IL1RL1: variants seen among roughly 807,000 people sequenced by gnomAD.
IL1RL1 encodes the protein interleukin 1 receptor like 1.
In IL1RL1, 32 loss-of-function variants were observed where a neutral mutation model predicts 50.9. The ratio of observed to expected loss-of-function variants is 0.63; its 90% CI spans 0.47 to 0.84. The LOEUF is 0.84. Among genes scored for constraint, IL1RL1 ranks in the 40% least tolerant of loss-of-function variants. The pLI, the probability that IL1RL1 is intolerant of heterozygous loss-of-function variation, is 0.00. For synonymous variants in IL1RL1, 275 were observed against 236.0 expected, an observed-to-expected ratio of 1.17 and a Z score of -1.51; for missense variants, 773 against 662.9, an observed-to-expected ratio of 1.17 and a Z score of -1.82.
intron 2 of IL1RL1, 92 bp from the exon 3 acceptor site, chr2:102,338,745 A>C: frequency 2.0e-6 from 2 of 987,452 alleles, no homozygotes; most frequent in Non-Finnish European, 3.1e-6. Flanking sequence ...CCGGCTTCTA[A>C]ATTTAATCCT....
chr2:102,340,637 T>G, intron 4 of IL1RL1, 29 bp from the exon 5 acceptor site: 1 of 1,577,050 alleles, frequency 6.3e-7, no homozygotes, highest in Non-Finnish European at 8.6e-7. Flanking sequence ...GAAGAATTAC[T>G]GAGAAGGAAA....
At chr2:102,342,176 T>G in intron 5 of IL1RL1, 47 bp from the exon 6 acceptor site, 2 of 1,273,676 alleles carry the variant, frequency 1.6e-6, no homozygotes, top group South Asian at 2.4e-5. Flanking sequence ...TTATATTGAC[T>G]AGCATTCAAT....
intron 1 of IL1RL1, among the ~76,000 whole-genome samples, chr2:102,328,704 C>T (rs1677086774): frequency 6.6e-6 from 1 of 152,146 alleles, no homozygotes; most frequent in Non-Finnish European, 1.5e-5. Flanking sequence ...CAATAACAGA[C>T]AAACAGCCAA....
rs1227316203 is a variant in IL1RL1 at position 102,343,483 on chromosome 2, G to T, written c.970+68G>T. On this transcript the variant is annotated intron_variant, in intron 8 of 10. Coordinates refer to ENST00000233954, the MANE Select transcript of IL1RL1 (RefSeq NM_016232.5). ...AGCAAGTGTAAGCAGAATGGAGTGT[G>T]GTTCCAAGAGATCCATCAAGACAAT... The T allele has an allele frequency of 1.7e-5, 28 of 1,612,764 alleles. 1 individual carries two copies. The highest frequency in any genetic ancestry group is 2.3e-5 in the Non-Finnish European group (27 of 1,179,464).
Position 102,338,300 on chromosome 2 carries a change from C to A in IL1RL1, c.36C>A (p.Leu12=). 2 of 1,604,000 alleles carry A rather than the reference C, an allele frequency of 1.2e-6. No individual in the cohort carries two copies. Among genetic ancestry groups the A allele is most frequent in the South Asian group, 2.2e-5 (2 of 90,182 alleles). The part of the protein sequence containing the change: ...GFWILAILTI[L]MYSTAAKFSK... ...GGATCTTAGCAATTCTCACAATTCTCATGTATTCCACAGCAGCAAAGTTTA... is the reference window on the plus strand; with the variant it reads ...GGATCTTAGCAATTCTCACAATTCTAATGTATTCCACAGCAGCAAAGTTTA... The change falls in exon 2 of 11, where the codon CTC becomes CTA. Residue 12 remains leucine, a synonymous_variant. Coordinates refer to ENST00000233954, the MANE Select transcript of IL1RL1 (RefSeq NM_016232.5).
intron 1 of IL1RL1, chr2:102,337,433 T>C (rs1677367454): frequency 6.6e-6 from 1 of 152,340 alleles, no homozygotes; most frequent in Non-Finnish European, 1.5e-5. Flanking sequence ...CTATGTTGGT[T>C]CTATTCTTCC....
At chr2:102,317,198 C>CA in intron 1 of IL1RL1, among the ~76,000 whole-genome samples, 1 of 152,018 alleles carries the variant, frequency 6.6e-6, no homozygotes, top group East Asian at 1.9e-4. Context: ...AGTAAAAATA[C>CA]AAAAAATTAA....
intron 1 of IL1RL1, among the ~76,000 whole-genome samples, chr2:102,330,315 G>A (rs1332922006): frequency 1.3e-5 from 2 of 149,726 alleles, no homozygotes; most frequent in Non-Finnish European, 3.0e-5. Context: ...ACAGGAAGGG[G>A]AACATCACAC....
rs187236780 is a variant in IL1RL1 at position 102,347,084 on chromosome 2, C to T, written c.971-861C>T. On this transcript the variant is annotated intron_variant, in intron 8 of 10. Coordinates refer to ENST00000233954, the MANE Select transcript of IL1RL1 (RefSeq NM_016232.5). ...TGACTTTTGAATTCTTTATCAAAGA[C>T]GCTTTAGCCACTTAGGTGACTCTTG... Among the ~76,000 whole-genome samples the T allele has an allele frequency of 1.6e-4, 25 of 152,278 alleles. No individual in the cohort carries two copies. The East Asian group carries it at 3.5e-3, about 21-fold the overall frequency.
At chr2:102,334,441 C>T (rs574341465) in intron 1 of IL1RL1, among the ~76,000 whole-genome samples, 1 of 151,960 alleles carries the variant, frequency 6.6e-6, no homozygotes, top group African/African-American at 2.4e-5. Flanking sequence ...GCTGGGGGGC[C>T]CAGCATATTC....
chr2:102,317,246 C>T (rs1308358205), intron 1 of IL1RL1, among the ~76,000 whole-genome samples: 2 of 151,846 alleles, frequency 1.3e-5, no homozygotes, highest in Admixed American at 6.6e-5. Flanking sequence ...CCCAGCTACT[C>T]GGGAGGCTGA....
intron 1 of IL1RL1, among the ~76,000 whole-genome samples, chr2:102,327,893 C>T (rs1000297701): frequency 6.6e-6 from 1 of 152,084 alleles, no homozygotes; most frequent in Non-Finnish European, 1.5e-5. Flanking sequence ...AGTCCAGGAC[C>T]AGATGGATTC....
At chr2:102,329,167 C>A (rs1677100662) in intron 1 of IL1RL1, among the ~76,000 whole-genome samples, 2 of 152,078 alleles carry the variant, frequency 1.3e-5, no homozygotes, top group Admixed American at 6.6e-5. Flanking sequence ...CAGAACAGAG[C>A]CCTCAGAAAT....
At position 102,338,320 on chromosome 2, in the gene IL1RL1, A is replaced by C. The variant is rs771730337; in HGVS notation, c.56A>C (p.Lys19Thr). ...ATTCTCATGTATTCCACAGCAGCAAAGTTTAGTAAGTATTGCCTTCTAAGT... is the reference window on the plus strand; with the variant it reads ...ATTCTCATGTATTCCACAGCAGCAACGTTTAGTAAGTATTGCCTTCTAAGT... The part of the protein sequence containing the change: ...LTILMYSTAA[K>T]FSKQSWGLEN... The change falls in exon 2 of 11, where the codon AAG becomes ACG. Residue 19 changes from lysine to threonine, a missense_variant. Lys to Thr is a moderately conservative substitution (Grantham distance 78, BLOSUM62 -1). Transcript: ENST00000233954. The C allele has an allele frequency of 1.9e-6, 3 of 1,570,478 alleles. No individual in the cohort carries two copies. Among genetic ancestry groups the C allele is most frequent in the Non-Finnish European group, 2.6e-6 (3 of 1,143,224 alleles).
chr2:102,337,897 G>A (rs1677385899), intron 1 of IL1RL1, among the ~76,000 whole-genome samples: 1 of 152,050 alleles, frequency 6.6e-6, no homozygotes, highest in Non-Finnish European at 1.5e-5. Context: ...CTGCGAAGTA[G>A]CATGATAACT....
At position 102,349,202 on chromosome 2, in the gene IL1RL1, G is replaced by A. The variant is rs776707360; in HGVS notation, c.1241G>A (p.Gly414Asp). 2 of 1,613,824 alleles carry A rather than the reference G, an allele frequency of 1.2e-6. No individual in the cohort carries two copies. Among genetic ancestry groups the A allele is most frequent in the Admixed American group, 1.7e-5 (1 of 60,012 alleles). ...CCTGATGTTCTTGAAAATAAATGTG[G>A]CTATACCTTATGCATTTATGGGAGA... The part of the protein sequence containing the change: ...ILPDVLENKC[G>D]YTLCIYGRDM... The change falls in exon 10 of 11, where the codon GGC becomes GAC. Residue 414 changes from glycine (G) to aspartate (D), a missense_variant. Coordinates refer to ENST00000233954, the MANE Select transcript of IL1RL1 (RefSeq NM_016232.5).
At chr2:102,345,609 T>A (rs1677755680) in intron 8 of IL1RL1, 3 of 985,324 alleles carry the variant, frequency 3.0e-6, no homozygotes, top group Middle Eastern at 5.2e-4. Context: ...CCCAATATGG[T>A]GTAATCGTGG....
rs1559592042 is a variant in IL1RL1, at chr2:102,311,942, TATTA to T, written c.-150+320_-150+323del. Among the ~76,000 whole-genome samples the T allele has an allele frequency of 4.5e-5, 2 of 44,620 alleles. 1 individual carries two copies. The highest frequency in any genetic ancestry group is 7.8e-5 in the Non-Finnish European group (2 of 25,552). 29.3% of individuals were successfully genotyped at this position (44,620 alleles called of 152,430 possible). A position where few individuals can be genotyped will look rare whatever the true frequency, so the allele number is the denominator to read the frequency against. On this transcript the variant is annotated intron_variant, in intron 1 of 10. Coordinates refer to ENST00000233954, the MANE Select transcript of IL1RL1 (RefSeq NM_016232.5). Reference sequence around the variant, plus strand: ...ATTATATAATATATATTATATATAATATTATATATAATATATATTATATATAATA... The same window carrying T: ...ATTATATAATATATATTATATATAATTATATAATATATATTATATATAATA...
At chr2:102,347,104 C>G (rs1677805868) in intron 8 of IL1RL1, among the ~76,000 whole-genome samples, 1 of 152,182 alleles carries the variant, frequency 6.6e-6, no homozygotes, top group South Asian at 2.1e-4. Context: ...ACTTAGGTGA[C>G]TCTTGCTTCT....
Sources: gnomAD v4.1 joint callset for allele counts (sites outside exome capture counted in the v4.1 genomes callset) on GRCh38, gnomAD v4.1.1 for gene constraint, MANE v1.5 for transcripts, NCBI Gene and HGNC (gene_info 2026-07-23, HGNC 2026-07-21) for gene names.